The following NRG1 variants were observed in gnomAD, a reference collection of about 807,000 sequenced individuals.
The protein encoded by NRG1 is neuregulin 1, also known as pro-neuregulin-1, membrane-bound isoform.
Under a neutral mutation model 63.8 loss-of-function variants are expected in NRG1, and 18 were observed. That is an observed-to-expected ratio of 0.28 (90% confidence interval 0.19 to 0.42). The LOEUF is 0.42. Among genes scored for constraint, NRG1 ranks in the 10% least tolerant of loss-of-function variants. NRG1 has a pLI of 1.00. For synonymous variants in NRG1, 302 were observed against 301.3 expected (o/e 1.00, Z -0.02); for missense variants, 762 against 814.7 (o/e 0.94, Z 0.79).
chr8:32,080,936 T>G (rs960833483), intron 1 of NRG1, among the ~76,000 whole-genome samples: 2 of 152,016 alleles, frequency 1.3e-5, no homozygotes, highest in Middle Eastern at 3.2e-3. Context: ...ATGTTGCAGT[T>G]TAAGTTCATA....
At chr8:31,918,527 C>G (rs577053947) in intron 1 of NRG1, among the ~76,000 whole-genome samples, 24 of 152,284 alleles carry the variant, frequency 1.6e-4, no homozygotes, top group African/African-American at 5.8e-4. Context: ...TGTATTGAAC[C>G]AGCCTTGCAT....
At chr8:32,417,355 A>G (rs774656694) in intron 1 of NRG1, among the ~76,000 whole-genome samples, 1 of 152,186 alleles carries the variant, frequency 6.6e-6, no homozygotes, top group Non-Finnish European at 1.5e-5. Context: ...CCCCAATTCA[A>G]TAAGATACTG....
intron 1 of NRG1, among the ~76,000 whole-genome samples, chr8:31,943,124 C>A (rs1802007229): frequency 6.6e-6 from 1 of 152,042 alleles, no homozygotes; most frequent in Admixed American, 6.6e-5. Flanking sequence ...AGCCCAAATG[C>A]CCATCAATCA....
At chr8:32,141,592 G>GTA (rs59251868) in intron 1 of NRG1, among the ~76,000 whole-genome samples, 13,392 of 71,074 alleles carry the variant, frequency 0.19, 1,778 homozygotes, top group Non-Finnish European at 0.24. Flanking sequence ...ATGTGTGTGG[G>GTA]TATATATATA....
At chr8:32,769,479 G>C (rs1015300006), downstream of NRG1, among the ~76,000 whole-genome samples, 1 of 152,124 alleles carries the variant, frequency 6.6e-6, no homozygotes, top group Non-Finnish European at 1.5e-5. Context: ...TTTCTTTTCT[G>C]TCCTAACGAT....
chr8:32,309,881 C>G (rs2129475856), intron 1 of NRG1, among the ~76,000 whole-genome samples: 1 of 152,362 alleles, frequency 6.6e-6, no homozygotes, highest in South Asian at 2.1e-4. Context: ...TTTCTACACA[C>G]ATTTCTGACA....
At chr8:31,788,351 A>G (rs1012623811) in intron 1 of NRG1, among the ~76,000 whole-genome samples, 1 of 152,136 alleles carries the variant, frequency 6.6e-6, no homozygotes, top group African/African-American at 2.4e-5. Context: ...ATATTTTAAA[A>G]CTTTCCCCAT....
At chr8:31,955,014 T>C (rs1201302542) in intron 1 of NRG1, among the ~76,000 whole-genome samples, 1 of 151,980 alleles carries the variant, frequency 6.6e-6, no homozygotes, top group Non-Finnish European at 1.5e-5. Context: ...GTGGAGGGGA[T>C]GAGAGAAGGG....
At chr8:31,733,482 A>G (rs1390225960) in intron 1 of NRG1, among the ~76,000 whole-genome samples, 1 of 152,182 alleles carries the variant, frequency 6.6e-6, no homozygotes, top group African/African-American at 2.4e-5. Context: ...AATCCTGGCC[A>G]TGTTCTTTCC....
intron 1 of NRG1, among the ~76,000 whole-genome samples, chr8:32,482,281 A>G (rs1825389008): frequency 2.0e-5 from 3 of 152,208 alleles, no homozygotes; most frequent in Admixed American, 2.0e-4. Context: ...AATGAGGCAT[A>G]TAACAGGAAA....
chr8:31,768,135 G>A (rs1040791170), intron 1 of NRG1, among the ~76,000 whole-genome samples: 11 of 152,106 alleles, frequency 7.2e-5, no homozygotes, highest in African/African-American at 2.4e-4. Flanking sequence ...GGAGAGAGAA[G>A]GAGTTATATT....
intron 1 of NRG1, among the ~76,000 whole-genome samples, chr8:32,451,543 C>T (rs570087942): frequency 3.3e-5 from 5 of 152,234 alleles, no homozygotes; most frequent in East Asian, 1.9e-4. Context: ...TTATTATCCC[C>T]GCCACACAAA....
At chr8:32,694,320 T>G (rs2128944185) in intron 5 of NRG1, among the ~76,000 whole-genome samples, 1 of 152,346 alleles carries the variant, frequency 6.6e-6, no homozygotes, top group East Asian at 1.9e-4. Context: ...CTGTTTCTTT[T>G]TTCCCATAGA....
chr8:32,503,044 G>A (rs989695911), intron 1 of NRG1, among the ~76,000 whole-genome samples: 3 of 151,976 alleles, frequency 2.0e-5, no homozygotes, highest in African/African-American at 4.8e-5. Flanking sequence ...CCAGCACTTC[G>A]GGAGGCTGAG....
At chr8:32,280,680 GTTTT>G in intron 1 of NRG1, among the ~76,000 whole-genome samples, 1 of 53,758 alleles carries the variant, frequency 1.9e-5, no homozygotes, top group South Asian at 6.9e-4. Flanking sequence ...ACTGAATTAG[GTTTT>G]TTTTTTGTTT....
intron 1 of NRG1, among the ~76,000 whole-genome samples, chr8:31,985,005 A>T (rs950265921): frequency 3.3e-5 from 5 of 152,092 alleles, no homozygotes; most frequent in Admixed American, 1.3e-4. Context: ...CCCATTTGAG[A>T]CTGCAAGAAG....
chr8:31,773,109 T>A (rs1315080784), intron 1 of NRG1, among the ~76,000 whole-genome samples: 1 of 152,112 alleles, frequency 6.6e-6, no homozygotes, highest in Admixed American at 6.5e-5. Flanking sequence ...AAGTTTAGGG[T>A]TGTGGAACCT....
intron 1 of NRG1, among the ~76,000 whole-genome samples, chr8:32,258,600 C>G (rs927783838): frequency 6.6e-6 from 1 of 152,156 alleles, no homozygotes; most frequent in Non-Finnish European, 1.5e-5. Context: ...GCAGGCATAT[C>G]TTACATGGTG....
chr8:31,846,435 A>G (rs373487704), intron 1 of NRG1, among the ~76,000 whole-genome samples: 5 of 152,152 alleles, frequency 3.3e-5, no homozygotes, highest in African/African-American at 1.2e-4. Context: ...CAGTACTTCT[A>G]TTTATATAAT....
Sources: gnomAD v4.1 joint callset for allele counts (sites outside exome capture counted in the v4.1 genomes callset) on GRCh38, gnomAD v4.1.1 for gene constraint, MANE v1.5 for transcripts, NCBI Gene and HGNC (gene_info 2026-07-23, HGNC 2026-07-21) for gene names.